Variants in UBE2E1 observed in about 807,000 individuals in gnomAD.
The protein encoded by UBE2E1 is ubiquitin conjugating enzyme E2 E1, also known as ubiquitin-conjugating enzyme E2 E1.
A neutral mutation model predicts 21.4 loss-of-function variants in UBE2E1; 6 were observed. The observed-to-expected ratio is 0.28, with a 90% CI of 0.15 to 0.55. UBE2E1 has a LOEUF of 0.55. Among genes scored for constraint, UBE2E1 ranks in the 20% least tolerant of loss-of-function variants. The probability of loss-of-function intolerance (pLI) is 0.93; values close to 1 mark genes in which losing one functional copy is unlikely to be tolerated. For synonymous variants in UBE2E1, 87 were observed against 82.7 expected (o/e 1.05, Z -0.28); for missense variants, 142 against 236.5 (o/e 0.60, Z 2.62).
At chr3:23,850,921 A>G (rs1700311139) in intron 3 of UBE2E1, among the ~76,000 whole-genome samples, 1 of 149,706 alleles carries the variant, frequency 6.7e-6, no homozygotes, top group Non-Finnish European at 1.5e-5. Flanking sequence ...CCTGGGCCCA[A>G]GCAGTTTACC....
Position 23,842,206 on chromosome 3 carries a change from T to TGTGG in UBE2E1, c.203+30699_203+30700insGGTG, listed in dbSNP as rs1178422092. ...GACCCAGTAAGTGAAGGGGTGTGTG[T>TGTGG]GTGTGTGTGTGTGTGTGTGTGTGTG... On this transcript the variant is annotated intron_variant, in intron 3 of 5. Coordinates refer to ENST00000306627, the MANE Select transcript of UBE2E1 (RefSeq NM_003341.5). The surrounding 1 kb of genome is among the most constrained non-coding windows in gnomAD (Gnocchi z 4.6). Among the ~76,000 whole-genome samples the TGTGG allele has an allele frequency of 1.0e-5, 1 of 97,748 alleles. No individual in the cohort carries two copies. The allele number at this position is 97,748 out of a possible 152,430, so 64.1% of individuals were successfully genotyped here.
intron 3 of UBE2E1, among the ~76,000 whole-genome samples, chr3:23,862,857 C>T (rs113682341): frequency 7.0e-4 from 107 of 152,198 alleles, no homozygotes; most frequent in African/African-American, 1.4e-3. Context: ...TTCCAAGTAG[C>T]TGGGGCTACA....
At chr3:23,882,127 C>A (rs1701058463) in intron 3 of UBE2E1, among the ~76,000 whole-genome samples, 1 of 152,178 alleles carries the variant, frequency 6.6e-6, no homozygotes, top group Non-Finnish European at 1.5e-5. Context: ...TCAAAGGGGG[C>A]CTGAGCAGGT....
chr3:23,815,687 G>A (rs914465730), intron 3 of UBE2E1, among the ~76,000 whole-genome samples: 5 of 152,104 alleles, frequency 3.3e-5, no homozygotes, highest in Admixed American at 2.0e-4. Flanking sequence ...TACATACCTC[G>A]TCCAGGTTCA....
At chr3:23,851,360 G>A (rs1195248195) in intron 3 of UBE2E1, among the ~76,000 whole-genome samples, 2 of 152,070 alleles carry the variant, frequency 1.3e-5, no homozygotes, top group South Asian at 2.1e-4. Context: ...AAGATTGTTT[G>A]GCTATTCTAT....
At chr3:23,830,154 T>C (rs568846801) in intron 3 of UBE2E1, among the ~76,000 whole-genome samples, 8 of 152,344 alleles carry the variant, frequency 5.3e-5, no homozygotes, top group South Asian at 2.1e-4. Context: ...CTTACATGCA[T>C]GTGCTTGATC....
rs143165553 is a variant in UBE2E1 at position 23,852,263 on chromosome 3, T to G, written c.204-35304T>G. 2.3e-3 allele frequency among the ~76,000 whole-genome samples: 351 copies of G among 152,360 alleles called. 1 individual carries two copies. Among genetic ancestry groups the G allele is most frequent in the African/African-American group, 8.1e-3 (336 of 41,588 alleles). On this transcript the variant is annotated intron_variant, in intron 3 of 5. Transcript: ENST00000306627. ...ACATGATTCATGAACATTAAATGTC[T>G]TTTCAGTTATTTATATTTCCCTTAA... is the stretch of plus-strand genomic sequence containing the variant.
chr3:23,866,401 C>T (rs1700657847), intron 3 of UBE2E1: 1 of 152,254 alleles, frequency 6.6e-6, no homozygotes, highest in Non-Finnish European at 1.5e-5. Flanking sequence ...CTCCCAGTGC[C>T]ACTGTGAACT....
At chr3:23,827,357 T>G (rs1386628327) in intron 3 of UBE2E1, among the ~76,000 whole-genome samples, 1 of 152,236 alleles carries the variant, frequency 6.6e-6, no homozygotes, top group Non-Finnish European at 1.5e-5. Flanking sequence ...TGGACAGCTT[T>G]TTAGATTTAC....
At chr3:23,866,108 C>T (rs1270401242) in intron 3 of UBE2E1, among the ~76,000 whole-genome samples, 2 of 152,212 alleles carry the variant, frequency 1.3e-5, no homozygotes, top group African/African-American at 2.4e-5. Flanking sequence ...TTCAGTCTCT[C>T]AGCCCTATGC....
At chr3:23,861,529 T>C (rs1261224868) in intron 3 of UBE2E1, among the ~76,000 whole-genome samples, 1 of 152,182 alleles carries the variant, frequency 6.6e-6, no homozygotes, top group African/African-American at 2.4e-5. Flanking sequence ...CGTCCAAATG[T>C]TGCATTTCCC....
chr3:23,849,021 A>C (rs1362586261), intron 3 of UBE2E1, among the ~76,000 whole-genome samples: 1 of 152,250 alleles, frequency 6.6e-6, no homozygotes, highest in Admixed American at 6.5e-5. Flanking sequence ...GTTTATCCAT[A>C]TGGTGGACAT....
At chr3:23,826,631 G>A (rs1033974283) in intron 3 of UBE2E1, among the ~76,000 whole-genome samples, 10 of 152,196 alleles carry the variant, frequency 6.6e-5, no homozygotes, top group African/African-American at 1.9e-4. Flanking sequence ...TCTACAGTGT[G>A]AAGCCCCAAA....
At chr3:23,871,997 G>A (rs561585333) in intron 3 of UBE2E1, among the ~76,000 whole-genome samples, 77 of 152,070 alleles carry the variant, frequency 5.1e-4, no homozygotes, top group African/African-American at 1.8e-3. Context: ...CTGCAATCTC[G>A]GCACTTTGGG....
chr3:23,857,726 C>T (rs562868319), intron 3 of UBE2E1, among the ~76,000 whole-genome samples: 2 of 152,298 alleles, frequency 1.3e-5, no homozygotes, highest in African/African-American at 4.8e-5. Flanking sequence ...CTGTTGTGCT[C>T]TGCCTCTTTA....
At position 23,842,202 on chromosome 3, in the gene UBE2E1, T is replaced by G. The variant is rs1053027337; in HGVS notation, c.203+30692T>G. On this transcript the variant is annotated intron_variant, in intron 3 of 5. Transcript: ENST00000306627. The surrounding 1 kb of genome is among the most constrained non-coding windows in gnomAD (Gnocchi z 4.6). ...TCATGACCCAGTAAGTGAAGGGGTGTGTGTGTGTGTGTGTGTGTGTGTGTG... is the reference window on the plus strand; with the variant it reads ...TCATGACCCAGTAAGTGAAGGGGTGGGTGTGTGTGTGTGTGTGTGTGTGTG... 1.4e-3 allele frequency among the ~76,000 whole-genome samples: 127 copies of G among 89,510 alleles called. No homozygotes were observed. The highest frequency in any genetic ancestry group is 4.8e-3 in the African/African-American group (102 of 21,282). 58.7% of individuals were successfully genotyped at this position (89,510 alleles called of 152,430 possible).
chr3:23,810,133 C>G lies in UBE2E1; in HGVS notation c.153-1327C>G, dbSNP rs529259594. ...AACGTATCCTTTGTGAATTAGATTG[C>G]TCTGTGTGTGTGTTTAAAATTTTTT... On this transcript the variant is annotated intron_variant, in intron 2 of 5. Coordinates refer to ENST00000306627, the MANE Select transcript of UBE2E1 (RefSeq NM_003341.5). This position sits in a 1 kb window ranked among gnomAD's most constrained non-coding sequence, Gnocchi z 5.8. Among the ~76,000 whole-genome samples the G allele has an allele frequency of 6.6e-6, 1 of 152,274 alleles. No homozygotes were observed. The highest frequency in any genetic ancestry group is 2.1e-4 in the South Asian group (1 of 4,826).
intron 3 of UBE2E1, among the ~76,000 whole-genome samples, chr3:23,835,997 T>C (rs1412758222): frequency 6.6e-6 from 1 of 152,236 alleles, no homozygotes; most frequent in Non-Finnish European, 1.5e-5. Context: ...GCTGCTGCTT[T>C]TATGATCTAG....
rs1699612210 is a variant in UBE2E1 at position 23,819,931 on chromosome 3, T to G, written c.203+8421T>G. Among the ~76,000 whole-genome samples, 3 of 152,322 alleles carry G rather than the reference T, an allele frequency of 2.0e-5. 1 individual carries two copies. In the South Asian group the frequency reaches 6.2e-4, roughly 32 times the overall value. ...GCTTGTTTTGACTTCATGTAAGGTT[T>G]ATCATCTATGTAATGTGGCATAGAC... On this transcript the variant is annotated intron_variant, in intron 3 of 5. Coordinates refer to ENST00000306627, the MANE Select transcript of UBE2E1 (RefSeq NM_003341.5).
Sources: allele counts gnomAD v4.1 joint callset (sites outside exome capture counted in the v4.1 genomes callset), GRCh38; gene constraint gnomAD v4.1.1; non-coding constraint Gnocchi (gnomAD v3.1); transcripts MANE v1.5; gene names NCBI Gene and HGNC (gene_info 2026-07-23, HGNC 2026-07-21).